ZNF223: variants seen among roughly 807,000 people sequenced by gnomAD.
The protein encoded by ZNF223 is zinc finger protein 223, also known as Homo sapiens zinc finger protein 223.
A neutral mutation model predicts 12.3 loss-of-function variants in ZNF223; 9 were observed. The observed-to-expected ratio is 0.73, with a 90% CI of 0.44 to 1.28. The LOEUF is 1.28. ZNF223 is among the 50% of genes most tolerant of loss of function. The pLI is 0.00. For missense variants in ZNF223, 506 were observed against 579.0 expected (o/e 0.87, Z 1.29); for synonymous variants, 171 against 195.2 (o/e 0.88, Z 1.03).
In ZNF223 at chr19:44,067,502, C is replaced by T. The variant is rs777622994; in HGVS notation, c.*225C>T. 2.6e-5 allele frequency: 16 copies of T among 614,578 alleles called. No individual in the cohort carries two copies. Among genetic ancestry groups the T allele is most frequent in the Non-Finnish European group, 4.4e-5 (15 of 340,960 alleles). The allele number at this position is 614,578 out of a possible 1,614,324, so 38.1% of individuals were successfully genotyped here. A position where few individuals can be genotyped will look rare whatever the true frequency, so the allele number is the denominator to read the frequency against. ...AACTTCTTCCTCTTATCTACCTGTA[C>T]TTTTGCATCCATTAGCCAACCTTTG... On this transcript the variant is annotated 3_prime_UTR_variant, in exon 5 of 5. Transcript: ENST00000434772.
chr19:44,065,663 C>T (rs1343442672), intron 4 of ZNF223, among the ~76,000 whole-genome samples: 4 of 149,752 alleles, frequency 2.7e-5, no homozygotes, highest in South Asian at 2.1e-4. Context: ...CTGCAACCTG[C>T]GCCTCCTGGG....
Position 44,066,490 on chromosome 19 carries a change from C to T in ZNF223, c.662C>T (p.Thr221Ile). ...TTCAGTCAGAGTTTACATCTGCAAA[C>T]TCATCAGAGAGTCCATACTGGAGAG... ...KEFSQSLHLQTHQRVHTGEKP... is the reference protein window; with the variant it reads ...KEFSQSLHLQIHQRVHTGEKP... The change falls in exon 5 of 5, where the codon ACT (threonine) becomes ATT (isoleucine). Residue 221 changes from threonine to isoleucine, a missense_variant. Transcript: ENST00000434772. 1.2e-6 allele frequency: 2 copies of T among 1,614,178 alleles called. No homozygotes were observed. The highest frequency in any genetic ancestry group is 1.7e-6 in the Non-Finnish European group (2 of 1,180,038).
Position 44,066,891 on chromosome 19 carries a change from C to G in ZNF223, c.1063C>G (p.Arg355Gly), listed in dbSNP as rs751353890. The G allele has an allele frequency of 1.2e-6, 2 of 1,614,168 alleles. No homozygotes were observed. Among genetic ancestry groups the G allele is most frequent in the South Asian group, 1.1e-5 (1 of 91,078 alleles). Residue 355 changes from arginine (R) to glycine (G), a missense_variant, in exon 5 of 5, where the codon CGG becomes GGG. By Grantham distance (125) the Arg-to-Gly change is moderately radical (BLOSUM62 -2). Transcript: ENST00000434772. ...NCKECGKSFR[R>G]SSYLLIHQRV... Reference sequence around the variant, plus strand: ...TAAAGAATGTGGGAAGAGCTTCAGACGGTCCTCCTATCTTTTGATCCATCA... The same window carrying G: ...TAAAGAATGTGGGAAGAGCTTCAGAGGGTCCTCCTATCTTTTGATCCATCA...
rs1225139170 is a variant in ZNF223, at chr19:44,067,115, A to C, written c.1287A>C (p.Lys429Asn). The change falls in exon 5 of 5, where the codon AAA becomes AAC. Residue 429 changes from lysine to asparagine, a missense_variant. Transcript: ENST00000434772. ...TCCATTGCCGAAAAAAACCATTCAA[A>C]TGTGAGGATTGTGGAAAGAAGCTTG... ...KRLHCRKKPF[K>N]CEDCGKKLVY... 6.2e-7 allele frequency: 1 copy of C among 1,613,312 alleles called. No homozygotes were observed. The highest frequency in any genetic ancestry group is 1.3e-5 in the African/African-American group (1 of 74,790).
In ZNF223 at chr19:44,067,093, A is replaced by G. The variant is rs777157681; in HGVS notation, c.1265A>G (p.His422Arg). The G allele has an allele frequency of 1.2e-6, 2 of 1,613,482 alleles. No individual in the cohort carries two copies. The highest frequency in any genetic ancestry group is 1.3e-5 in the African/African-American group (1 of 74,804). ...ASSILNHKRLHCRKKPFKCED... is the reference protein window; with the variant it reads ...ASSILNHKRLRCRKKPFKCED... Reference sequence around the variant, plus strand: ...AGTATTTTGAATCATAAGAGACTCCATTGCCGAAAAAAACCATTCAAATGT... The same window carrying G: ...AGTATTTTGAATCATAAGAGACTCCGTTGCCGAAAAAAACCATTCAAATGT... The change falls in exon 5 of 5, where the codon CAT (histidine) becomes CGT (arginine). Residue 422 changes from histidine (H) to arginine (R), a missense_variant. Coordinates refer to ENST00000434772, the MANE Select transcript of ZNF223 (RefSeq NM_013361.6).
Position 44,066,558 on chromosome 19 carries a change from A to G in ZNF223, c.730A>G (p.Arg244Gly). 6.2e-7 allele frequency: 1 copy of G among 1,614,206 alleles called. No homozygotes were observed. Among genetic ancestry groups the G allele is most frequent in the Non-Finnish European group, 8.5e-7 (1 of 1,180,018 alleles). The change falls in exon 5 of 5, where the codon AGA becomes GGA. Residue 244 changes from arginine (R) to glycine (G), a missense_variant. Coordinates refer to ENST00000434772, the MANE Select transcript of ZNF223 (RefSeq NM_013361.6). ...CEQCGRGFRC[R>G]SALTVHCKLH... is the part of the protein sequence containing the mutation. ...ACAATGTGGGAGAGGCTTCAGATGT[A>G]GATCAGCACTTACAGTTCATTGCAA...
Position 44,067,114 on chromosome 19 carries a change from A to C in ZNF223, c.1286A>C (p.Lys429Thr). The change falls in exon 5 of 5, where the codon AAA becomes ACA. Residue 429 changes from lysine to threonine, a missense_variant. By Grantham distance (78) the Lys-to-Thr change is moderately conservative. Transcript: ENST00000434772. ...KRLHCRKKPF[K>T]CEDCGKKLVY... ...CTCCATTGCCGAAAAAAACCATTCA[A>C]ATGTGAGGATTGTGGAAAGAAGCTT... 6.2e-7 allele frequency: 1 copy of C among 1,613,580 alleles called. No homozygotes were observed. The highest frequency in any genetic ancestry group is 8.5e-7 in the Non-Finnish European group (1 of 1,179,930).
rs1258332218 is a variant in ZNF223, at chr19:44,066,503, C to T, written c.675C>T (p.Val225=). 7 of 1,614,146 alleles carry T rather than the reference C, an allele frequency of 4.3e-6. No individual in the cohort carries two copies. The South Asian group carries it at 6.6e-5, about 15-fold the overall frequency. The change falls in exon 5 of 5, where the codon GTC becomes GTT. Residue 225 remains valine, a synonymous_variant. Transcript: ENST00000434772. The stretch of plus-strand genomic sequence containing the variant: ...TACATCTGCAAACTCATCAGAGAGT[C>T]CATACTGGAGAGAAACCTTTCAAAT... ...QSLHLQTHQR[V]HTGEKPFKCE...
intron 2 of ZNF223, among the ~76,000 whole-genome samples, chr19:44,055,562 G>A (rs1226841988): frequency 1.3e-5 from 2 of 151,864 alleles, no homozygotes; most frequent in Non-Finnish European, 2.9e-5. Flanking sequence ...CTGAGGTCAG[G>A]AGTTCGAGAC....
rs141521370 is a variant in ZNF223, at chr19:44,058,092, C to A, written c.16-2363C>A. On this transcript the variant is annotated intron_variant, in intron 2 of 4. Coordinates refer to ENST00000434772, the MANE Select transcript of ZNF223 (RefSeq NM_013361.6). ...GGGTGCCATGACTCATGGAGAAAAA[C>A]TTGAAGGTCATCTTCCTTCCAGGTG... Among the ~76,000 whole-genome samples the A allele has an allele frequency of 6.1e-4, 93 of 152,296 alleles. 1 individual carries two copies. Among genetic ancestry groups the A allele is most frequent in the South Asian group, 1.0e-3 (5 of 4,808 alleles).
intron 2 of ZNF223, among the ~76,000 whole-genome samples, chr19:44,057,762 G>C (rs918505848): frequency 6.6e-6 from 1 of 152,196 alleles, no homozygotes; most frequent in Non-Finnish European, 1.5e-5. Flanking sequence ...TTTGTGCCTT[G>C]CGAGTACAGA....
rs1976923577 is a variant in ZNF223 at position 44,066,849 on chromosome 19, G to A, written c.1021G>A (p.Glu341Lys). Residue 341 changes from glutamate (E) to lysine (K), a missense_variant, in exon 5 of 5, where the codon GAG becomes AAG. Coordinates refer to ENST00000434772, the MANE Select transcript of ZNF223 (RefSeq NM_013361.6). ...TAAGCATCAGACGATCCACACAGGA[G>A]AGAAACCATATAATTGTAAAGAATG... Reference protein sequence around the residue: ...LCKHQTIHTGEKPYNCKECGK... With the variant: ...LCKHQTIHTGKKPYNCKECGK... 1 of 1,614,074 alleles carries A rather than the reference G, an allele frequency of 6.2e-7. No individual in the cohort carries two copies. Among genetic ancestry groups the A allele is most frequent in the Admixed American group, 1.7e-5 (1 of 60,000 alleles).
intron 1 of ZNF223, among the ~76,000 whole-genome samples, chr19:44,053,546 T>C (rs890538995): frequency 6.6e-6 from 1 of 152,158 alleles, no homozygotes. Context: ...TCTCAGTAAA[T>C]AGAATGTACG....
At chr19:44,060,284 G>T in intron 2 of ZNF223, 171 bp from the exon 3 acceptor site, 1 of 1,116,020 alleles carries the variant, frequency 9.0e-7, no homozygotes, top group Non-Finnish European at 1.3e-6. Context: ...GGACAATCAA[G>T]GTGTGTCATT....
At chr19:44,055,527 T>G (rs1206689400) in intron 2 of ZNF223, among the ~76,000 whole-genome samples, 1 of 151,324 alleles carries the variant, frequency 6.6e-6, no homozygotes, top group African/African-American at 2.4e-5. Context: ...CCCAGCACTT[T>G]GGGAGGCTGA....
chr19:44,065,961 C>CGTTGTTTT, intron 4 of ZNF223, 103 bp from the exon 5 acceptor site: 1 of 1,487,202 alleles, frequency 6.7e-7, no homozygotes. Context: ...AAAACACAAA[C>CGTTGTTTT]TGAACATTCG....
chr19:44,059,357 GCTCT>G (rs1976808062), intron 2 of ZNF223, among the ~76,000 whole-genome samples: 1 of 152,300 alleles, frequency 6.6e-6, no homozygotes, highest in East Asian at 1.9e-4. Context: ...GGGCCCTCCA[GCTCT>G]CTCTCATGTG....
chr19:44,066,806 T>A lies in ZNF223; in HGVS notation c.978T>A (p.Ile326=), dbSNP rs1402365433. Reference sequence around the variant, plus strand: ...CTGGGGAATATGGAAAAGGCTTCATTCGTAGGCTGGATTTGTGTAAGCATC... The same window carrying A: ...CTGGGGAATATGGAAAAGGCTTCATACGTAGGCTGGATTTGTGTAAGCATC... ...NSTGEYGKGF[I]RRLDLCKHQT... is the part of the protein sequence containing the mutation. The change falls in exon 5 of 5, where the codon ATT becomes ATA. Residue 326 remains isoleucine, a synonymous_variant. Transcript: ENST00000434772. The A allele has an allele frequency of 1.2e-6, 2 of 1,614,146 alleles. No individual in the cohort carries two copies. The highest frequency in any genetic ancestry group is 2.7e-5 in the African/African-American group (2 of 75,032).
chr19:44,063,269 G>A (rs1490407577), intron 4 of ZNF223: 3 of 152,286 alleles, frequency 2.0e-5, no homozygotes, highest in African/African-American at 4.8e-5. Flanking sequence ...TTGCAGGAGG[G>A]AGTGTGCAAG....
Sources: gnomAD v4.1 joint callset for allele counts (sites outside exome capture counted in the v4.1 genomes callset) on GRCh38, gnomAD v4.1.1 for gene constraint, MANE v1.5 for transcripts, NCBI Gene and HGNC (gene_info 2026-07-23, HGNC 2026-07-21) for gene names.